The following ARID2 variants were observed in gnomAD, a reference collection of about 807,000 sequenced individuals.
The protein encoded by ARID2 is AT-rich interactive domain-containing protein 2.
Under a neutral mutation model 184.6 loss-of-function variants are expected in ARID2, and 32 were observed. That is an observed-to-expected ratio of 0.17 (90% CI 0.13 to 0.23). ARID2 has a LOEUF of 0.23. Ranked by LOEUF, ARID2 falls within the 10% of genes least tolerant of loss-of-function variation. The probability of loss-of-function intolerance (pLI) is 1.00; values close to 1 mark genes in which losing one functional copy is unlikely to be tolerated. For missense variants in ARID2, 1,696 were observed against 2,197.6 expected (o/e 0.77, Z 4.56); for synonymous variants, 836 against 772.6 (o/e 1.08, Z -1.36).
chr12:45,779,380 TTAC>T (rs1181398216), intron 3 of ARID2, among the ~76,000 whole-genome samples: 1 of 152,152 alleles, frequency 6.6e-6, no homozygotes, highest in Non-Finnish European at 1.5e-5. Context: ...TTAAAAATCT[TTAC>T]TATTTCATTT....
intron 3 of ARID2, among the ~76,000 whole-genome samples, chr12:45,754,493 A>G (rs954490419): frequency 6.6e-6 from 1 of 152,252 alleles, no homozygotes; most frequent in African/African-American, 2.4e-5. Context: ...AAGCATGCCA[A>G]GTTTTTCTCA....
chr12:45,866,510 G>C (rs531614425), intron 16 of ARID2, among the ~76,000 whole-genome samples: 2 of 152,236 alleles, frequency 1.3e-5, no homozygotes, highest in African/African-American at 4.8e-5. Context: ...TGAGTCAGGG[G>C]ATTTACATGT....
At chr12:45,878,652 CTT>C (rs1250898354) in intron 16 of ARID2, among the ~76,000 whole-genome samples, 1 of 151,944 alleles carries the variant, frequency 6.6e-6, no homozygotes, top group Non-Finnish European at 1.5e-5. Context: ...TTCCATTAGT[CTT>C]AGCATATTTA....
At chr12:45,904,197 G>A (rs1474922226) in intron 20 of ARID2, 3 of 539,054 alleles carry the variant, frequency 5.6e-6, no homozygotes, top group Admixed American at 3.3e-5. Context: ...ATATAGTTAA[G>A]CTAGATGTGG....
At position 45,851,681 on chromosome 12, in the gene ARID2, T is replaced by C. The variant is rs2138172899; in HGVS notation, c.3558T>C (p.Thr1186=). 6.2e-7 allele frequency: 1 copy of C among 1,614,156 alleles called. No individual in the cohort carries two copies. The highest frequency in any genetic ancestry group is 2.2e-5 in the East Asian group (1 of 44,886). The change falls in exon 15 of 21, where the codon ACT becomes ACC. Residue 1186 remains threonine (T), a synonymous_variant. Coordinates refer to ENST00000334344, the MANE Select transcript of ARID2 (RefSeq NM_152641.4). ...CAAATACGAGTTTTGCACCTGCAACTGTGAGTCAGGGAAATGCAACTCAGC... is the reference window on the plus strand; with the variant it reads ...CAAATACGAGTTTTGCACCTGCAACCGTGAGTCAGGGAAATGCAACTCAGC... ...VVPNTSFAPA[T]VSQGNATQLI... is the part of the protein sequence containing the mutation.
chr12:45,900,723 G>A (rs1944446282), intron 20 of ARID2, among the ~76,000 whole-genome samples: 1 of 152,032 alleles, frequency 6.6e-6, no homozygotes, highest in Admixed American at 6.6e-5. Flanking sequence ...GACCCTACAT[G>A]CCTAAAAATG....
intron 11 of ARID2, among the ~76,000 whole-genome samples, chr12:45,844,576 G>C (rs533299031): frequency 3.0e-4 from 45 of 152,206 alleles, no homozygotes; most frequent in African/African-American, 1.0e-3. Context: ...TGGTTAAGAG[G>C]CTTCATGGAT....
chr12:45,798,702 C>T (rs1412812246), intron 3 of ARID2, among the ~76,000 whole-genome samples: 1 of 151,344 alleles, frequency 6.6e-6, no homozygotes, highest in Non-Finnish European at 1.5e-5. Context: ...CTATATGCAA[C>T]CCTTCTTCTC....
chr12:45,747,326 C>T (rs2137988380), intron 3 of ARID2, among the ~76,000 whole-genome samples: 1 of 152,132 alleles, frequency 6.6e-6, no homozygotes, highest in South Asian at 2.1e-4. Flanking sequence ...TGGATTTTTG[C>T]AACAACTCTA....
In ARID2 at chr12:45,905,072, G is replaced by T. The variant is rs756342322; in HGVS notation, c.5502G>T (p.Leu1834=). 176 of 1,612,896 alleles carry T rather than the reference G, an allele frequency of 1.1e-4. No individual in the cohort carries two copies. The highest frequency in any genetic ancestry group is 1.4e-4 in the Non-Finnish European group (167 of 1,179,550). The change falls in exon 21 of 21, where the codon CTG becomes CTT. Residue 1834 remains leucine, a synonymous_variant. Transcript: ENST00000334344. The part of the protein sequence containing the change: ...SKEQEKDSEM[L]Q ...AACAAGAAAAAGACTCAGAAATGCT[G>T]CAGTGAAAAATAATTCCACTTACAC...
chr12:45,747,303 A>G (rs956301800), intron 3 of ARID2, among the ~76,000 whole-genome samples: 1 of 152,130 alleles, frequency 6.6e-6, no homozygotes, highest in Non-Finnish European at 1.5e-5. Flanking sequence ...ATTTTTACAA[A>G]TATTTATCTC....
chr12:45,798,732 AC>A (rs11285748), intron 3 of ARID2, among the ~76,000 whole-genome samples: 12,977 of 152,106 alleles, frequency 0.085, 1,887 homozygotes, highest in African/African-American at 0.29. Flanking sequence ...TTTGAAGTAA[AC>A]AATATAAGAG....
intron 3 of ARID2, among the ~76,000 whole-genome samples, chr12:45,801,057 A>G (rs952107408): frequency 1.4e-4 from 22 of 152,208 alleles, no homozygotes; most frequent in Admixed American, 3.9e-4. Context: ...TCACGCCTGT[A>G]ATCCCAGCGC....
At position 45,850,394 on chromosome 12, in the gene ARID2, G is replaced by A. The variant is rs1304292892; in HGVS notation, c.2271G>A (p.Val757=). ...CAGGGCCACAACCTGTTACAGTTGT[G>A]AATTCTCAGACATTGCTTCACCATC... ...HSTGPQPVTV[V]NSQTLLHHPS... The change falls in exon 15 of 21, where the codon GTG becomes GTA. Residue 757 remains valine (V), a synonymous_variant. Transcript: ENST00000334344. 2.5e-6 allele frequency: 4 copies of A among 1,613,926 alleles called. No homozygotes were observed. The highest frequency in any genetic ancestry group is 1.3e-5 in the African/African-American group (1 of 74,898).
intron 15 of ARID2, among the ~76,000 whole-genome samples, chr12:45,860,125 G>T (rs562356880): frequency 3.3e-5 from 5 of 152,210 alleles, no homozygotes; most frequent in Non-Finnish European, 7.3e-5. Flanking sequence ...GGAGGCCAAA[G>T]GGGGAGGATG....
intron 16 of ARID2, among the ~76,000 whole-genome samples, chr12:45,864,468 T>C (rs1248662671): frequency 6.6e-6 from 1 of 152,096 alleles, no homozygotes; most frequent in African/African-American, 2.4e-5. Flanking sequence ...TCTTTTAATC[T>C]GTTAGATTAC....
At chr12:45,736,059 T>C (rs1384216054) in intron 3 of ARID2, among the ~76,000 whole-genome samples, 1 of 152,202 alleles carries the variant, frequency 6.6e-6, no homozygotes, top group Non-Finnish European at 1.5e-5. Flanking sequence ...ACGTCTTTGA[T>C]AGACAAGTAT....
At chr12:45,899,667 A>ATT (rs1285750829) in intron 20 of ARID2, among the ~76,000 whole-genome samples, 66 of 26,630 alleles carry the variant, frequency 2.5e-3, no homozygotes, top group African/African-American at 3.3e-3. Context: ...ATATATATAT[A>ATT]TGGTTATATA....
chr12:45,814,986 A>T (rs937438089), intron 4 of ARID2, among the ~76,000 whole-genome samples: 5 of 152,180 alleles, frequency 3.3e-5, no homozygotes, highest in Non-Finnish European at 7.4e-5. Context: ...ATATTTCATA[A>T]TTGTTATGTT....
Sources: gnomAD v4.1 joint callset for allele counts (sites outside exome capture counted in the v4.1 genomes callset) on GRCh38, gnomAD v4.1.1 for gene constraint, MANE v1.5 for transcripts, NCBI Gene and HGNC (gene_info 2026-07-23, HGNC 2026-07-21) for gene names.